CNTN3: variants seen among roughly 807,000 people sequenced by gnomAD.
The protein encoded by CNTN3 is contactin-3.
In CNTN3, 60 loss-of-function variants were observed where a neutral mutation model predicts 119.1. The ratio of observed to expected loss-of-function variants is 0.50; its 90% CI spans 0.41 to 0.62. CNTN3 has a LOEUF of 0.62. Among genes scored for constraint, CNTN3 ranks in the 20% least tolerant of loss-of-function variants. The probability of loss-of-function intolerance (pLI) is 0.00; values close to 1 mark genes in which losing one functional copy is unlikely to be tolerated. For missense variants in CNTN3, 1,101 were observed against 1,242.4 expected (o/e 0.89, Z 1.71); for synonymous variants, 450 against 438.7 (o/e 1.03, Z -0.32).
At chr3:74,459,955 G>C (rs1361419620) in intron 4 of CNTN3, among the ~76,000 whole-genome samples, 1 of 151,902 alleles carries the variant, frequency 6.6e-6, no homozygotes, top group Non-Finnish European at 1.5e-5. Flanking sequence ...GCACACAGTG[G>C]TTTCAAATAT....
intron 1 of CNTN3, among the ~76,000 whole-genome samples, chr3:74,583,563 G>A (rs1371826879): frequency 6.6e-6 from 1 of 152,100 alleles, no homozygotes; most frequent in Non-Finnish European, 1.5e-5. Context: ...AGGACGTGGG[G>A]AACTGGGGAG....
chr3:74,338,431 T>A (rs916270145), intron 11 of CNTN3, among the ~76,000 whole-genome samples: 1 of 151,956 alleles, frequency 6.6e-6, no homozygotes, highest in African/African-American at 2.4e-5. Flanking sequence ...TATATGTGTA[T>A]ATACACATAT....
intron 17 of CNTN3, among the ~76,000 whole-genome samples, chr3:74,298,795 G>A (rs558003155): frequency 7.3e-5 from 11 of 151,434 alleles, no homozygotes; most frequent in Non-Finnish European, 1.2e-4. Flanking sequence ...TACTCGGGAG[G>A]CTGAGGCAGG....
At chr3:74,550,984 C>T (rs1028955885) in intron 1 of CNTN3, among the ~76,000 whole-genome samples, 1 of 152,168 alleles carries the variant, frequency 6.6e-6, no homozygotes, top group Non-Finnish European at 1.5e-5. Context: ...CATCAAGAGT[C>T]CAATGTCGAG....
intron 11 of CNTN3, among the ~76,000 whole-genome samples, chr3:74,355,519 G>A (rs1397687572): frequency 2.0e-5 from 3 of 151,934 alleles, no homozygotes; most frequent in Non-Finnish European, 2.9e-5. Flanking sequence ...CAGTGGCAAG[G>A]TCTCGGTACA....
intron 20 of CNTN3, among the ~76,000 whole-genome samples, chr3:74,271,485 A>T: frequency 6.6e-6 from 1 of 152,220 alleles, no homozygotes; most frequent in Non-Finnish European, 1.5e-5. Flanking sequence ...GTTAAAGAAT[A>T]TTATTGCCTG....
At chr3:74,516,242 T>C (rs1199928853) in intron 2 of CNTN3, among the ~76,000 whole-genome samples, 3 of 143,908 alleles carry the variant, frequency 2.1e-5, no homozygotes, top group Non-Finnish European at 3.0e-5. Flanking sequence ...GTAAATACAG[T>C]TGACTTCTGA....
chr3:74,524,143 CT>C (rs1250987848), intron 1 of CNTN3, among the ~76,000 whole-genome samples: 1 of 151,924 alleles, frequency 6.6e-6, no homozygotes, highest in Non-Finnish European at 1.5e-5. Flanking sequence ...AAAACGTTAT[CT>C]TCCCAACAAT....
chr3:74,606,151 C>T (rs2106711478), intron 1 of CNTN3, among the ~76,000 whole-genome samples: 1 of 151,598 alleles, frequency 6.6e-6, no homozygotes, highest in Middle Eastern at 3.4e-3. Context: ...CAACCAAAAG[C>T]AAACAGGAAC....
chr3:74,432,147 T>G (rs1701794006), intron 4 of CNTN3, among the ~76,000 whole-genome samples: 1 of 152,140 alleles, frequency 6.6e-6, no homozygotes, highest in Non-Finnish European at 1.5e-5. Context: ...AGATTGCCTT[T>G]GAAAGAATCA....
intron 5 of CNTN3, among the ~76,000 whole-genome samples, chr3:74,380,323 T>C (rs1417818264): frequency 2.0e-5 from 3 of 152,230 alleles, no homozygotes; most frequent in African/African-American, 7.2e-5. Context: ...CTTGATACAA[T>C]GTGCATTTTG....
At chr3:74,437,775 A>G (rs1701895744) in intron 4 of CNTN3, among the ~76,000 whole-genome samples, 3 of 152,126 alleles carry the variant, frequency 2.0e-5, no homozygotes, top group South Asian at 4.2e-4. Context: ...TTTTTGTGGC[A>G]AGAGCATGAA....
intron 3 of CNTN3, among the ~76,000 whole-genome samples, chr3:74,495,245 T>C (rs554603775): frequency 7.2e-5 from 11 of 151,996 alleles, no homozygotes; most frequent in Non-Finnish European, 1.6e-4. Context: ...CAAAATAATT[T>C]AGAGGAACAA....
At chr3:74,607,652 A>T (rs1163030392) in intron 1 of CNTN3, among the ~76,000 whole-genome samples, 1 of 152,180 alleles carries the variant, frequency 6.6e-6, no homozygotes, top group Non-Finnish European at 1.5e-5. Context: ...ATAAAATCCC[A>T]AGATTTCCAT....
intron 20 of CNTN3, among the ~76,000 whole-genome samples, chr3:74,281,830 C>A (rs1293754815): frequency 6.6e-6 from 1 of 151,996 alleles, no homozygotes. Context: ...GGAAGGAGAA[C>A]CAATAATTCA....
At chr3:74,584,226 G>C (rs1704558578) in intron 1 of CNTN3, among the ~76,000 whole-genome samples, 1 of 151,994 alleles carries the variant, frequency 6.6e-6, no homozygotes, top group Non-Finnish European at 1.5e-5. Context: ...AATAAAATAT[G>C]ACACCTTACA....
At chr3:74,592,416 T>C (rs1312185401) in intron 1 of CNTN3, among the ~76,000 whole-genome samples, 3 of 151,696 alleles carry the variant, frequency 2.0e-5, no homozygotes, top group Admixed American at 6.6e-5. Context: ...GACTCAAGAA[T>C]TGTTAAAAAA....
chr3:74,596,262 C>G (rs1224829373), intron 1 of CNTN3, among the ~76,000 whole-genome samples: 1 of 152,072 alleles, frequency 6.6e-6, no homozygotes, highest in Non-Finnish European at 1.5e-5. Context: ...CCATACTACC[C>G]AAGGTAATTT....
intron 11 of CNTN3, among the ~76,000 whole-genome samples, chr3:74,353,565 G>T (rs1703865065): frequency 6.6e-6 from 1 of 152,108 alleles, no homozygotes. Flanking sequence ...GACCATCCCG[G>T]CTAACACGGT....
Sources: gnomAD v4.1 joint callset for allele counts (sites outside exome capture counted in the v4.1 genomes callset) on GRCh38, gnomAD v4.1.1 for gene constraint, MANE v1.5 for transcripts, NCBI Gene and HGNC (gene_info 2026-07-23, HGNC 2026-07-21) for gene names.